The following ACSL1 variants were observed in gnomAD, a reference collection of about 807,000 sequenced individuals.
ACSL1 encodes the protein acyl-CoA synthetase long chain family member 1, also known as long-chain-fatty-acid--CoA ligase 1.
In ACSL1, 41 loss-of-function variants were observed where a neutral mutation model predicts 98.4. That is an observed-to-expected ratio of 0.42 (90% CI 0.32 to 0.54). The LOEUF (loss-of-function observed/expected upper bound fraction) is 0.54, where lower values mean the gene tolerates loss of function less well. Ranked by LOEUF, ACSL1 falls within the 20% of genes least tolerant of loss-of-function variation. The pLI is 0.13. For synonymous variants in ACSL1, 316 were observed against 322.7 expected (o/e 0.98, Z 0.22); for missense variants, 734 against 883.1 (o/e 0.83, Z 2.14).
At chr4:184,779,403 C>T (rs534741576) in intron 5 of ACSL1, among the ~76,000 whole-genome samples, 188 of 152,334 alleles carry the variant, frequency 1.2e-3, no homozygotes, top group Non-Finnish European at 2.3e-3. Flanking sequence ...CCATGTGAAA[C>T]TGCAAGTCCA....
In ACSL1 at chr4:184,783,939, A is replaced by G; in HGVS notation, c.363T>C (p.Leu121=). 1 of 1,613,888 alleles carries G rather than the reference A, an allele frequency of 6.2e-7. No homozygotes were observed. The highest frequency in any genetic ancestry group is 8.5e-7 in the Non-Finnish European group (1 of 1,179,858). The change falls in exon 4 of 21, where the codon CTT becomes CTC. Residue 121 remains leucine, a synonymous_variant. Transcript: ENST00000281455. The part of the protein sequence containing the change: ...SRKPDQPYEW[L]SYKQVAELSE... Reference sequence around the variant, plus strand: ...CATACAAACTCACCTGTTTATATGAAAGCCATTCATAGGGTTGGTCTGGTT... The same window carrying G: ...CATACAAACTCACCTGTTTATATGAGAGCCATTCATAGGGTTGGTCTGGTT...
Position 184,760,380 on chromosome 4 carries a change from A to T in ACSL1, c.1759T>A (p.Phe587Ile), listed in dbSNP as rs914596017. The T allele has an allele frequency of 1.2e-6, 2 of 1,614,038 alleles. No homozygotes were observed. The highest frequency in any genetic ancestry group is 3.3e-5 in the Admixed American group (2 of 60,010). ...YMRSEPVAQVFVHGESLQAFL... is the reference protein window; with the variant it reads ...YMRSEPVAQVIVHGESLQAFL... ...ACCTGCAGGCTTTCTCCGTGGACAAACACCTGAGCAACAGGCTCACTTCGC... is the reference window on the plus strand; with the variant it reads ...ACCTGCAGGCTTTCTCCGTGGACAATCACCTGAGCAACAGGCTCACTTCGC... Residue 587 changes from phenylalanine (F) to isoleucine (I), a missense_variant, in exon 18 of 21, where the codon TTT (phenylalanine) becomes ATT (isoleucine). Physicochemically the swap from Phe to Ile is conservative, Grantham distance 21 (BLOSUM62 0). Transcript: ENST00000281455.
rs1191175882 is a variant in ACSL1, at chr4:184,760,518, G to A, written c.1639-18C>T. The A allele has an allele frequency of 6.2e-6, 10 of 1,613,618 alleles. No individual in the cohort carries two copies. The highest frequency in any genetic ancestry group is 7.6e-6 in the Non-Finnish European group (9 of 1,179,676). ...GTGCCATTCTGTTGATCAGAGGGGAGGGGGTTATGAATGGGCTGATGGCTG... is the reference window on the plus strand; with the variant it reads ...GTGCCATTCTGTTGATCAGAGGGGAAGGGGTTATGAATGGGCTGATGGCTG... On this transcript the variant is annotated intron_variant, in intron 17 of 20. Transcript: ENST00000281455.
chr4:184,762,366 TG>T (rs1302672800), intron 17 of ACSL1, 40 bp downstream of exon 17: 1 of 1,516,196 alleles, frequency 6.6e-7, no homozygotes, highest in Admixed American at 1.7e-5. Flanking sequence ...TTCCCCACAG[TG>T]GAACTGAACT....
chr4:184,809,845 T>C (rs374309637), intron 1 of ACSL1, among the ~76,000 whole-genome samples: 1 of 152,124 alleles, frequency 6.6e-6, no homozygotes, highest in South Asian at 2.1e-4. Context: ...CATTAATATG[T>C]TATTTGAGTT....
intron 1 of ACSL1, among the ~76,000 whole-genome samples, chr4:184,806,754 C>A (rs1055317816): frequency 1.3e-5 from 2 of 152,010 alleles, no homozygotes; most frequent in African/African-American, 4.8e-5. Context: ...AGATACTAAT[C>A]TATAATACTA....
intron 1 of ACSL1, among the ~76,000 whole-genome samples, chr4:184,811,837 T>TA: frequency 6.6e-6 from 1 of 152,140 alleles, no homozygotes; most frequent in Non-Finnish European, 1.5e-5. Flanking sequence ...TTTACCACAA[T>TA]AAAAAAAGTT....
chr4:184,777,795 GAC>G (rs1765544224), intron 5 of ACSL1, among the ~76,000 whole-genome samples: 1 of 151,222 alleles, frequency 6.6e-6, no homozygotes, highest in Non-Finnish European at 1.5e-5. Context: ...GAGAGAGAGA[GAC>G]AGAGACAGAG....
Position 184,766,895 on chromosome 4 carries a change from A to G in ACSL1, c.1129-139T>C. The G allele has an allele frequency of 2.1e-6, 2 of 966,688 alleles. No homozygotes were observed. The highest frequency in any genetic ancestry group is 2.7e-5 in the East Asian group (1 of 37,606). 59.9% of individuals were successfully genotyped at this position (966,688 alleles called of 1,614,324 possible). A position where few individuals can be genotyped will look rare whatever the true frequency, so the allele number is the denominator to read the frequency against. ...GCTCTGACAGCCTGGCCGGTCCTCTAACGGCCCCACATGGTCAGCACAGGA... is the reference window on the plus strand; with the variant it reads ...GCTCTGACAGCCTGGCCGGTCCTCTGACGGCCCCACATGGTCAGCACAGGA... On this transcript the variant is annotated intron_variant, in intron 12 of 20. Coordinates refer to ENST00000281455, the MANE Select transcript of ACSL1 (RefSeq NM_001995.5). The surrounding 1 kb of genome is among the most constrained non-coding windows in gnomAD (Gnocchi z 4.8).
intron 1 of ACSL1, among the ~76,000 whole-genome samples, chr4:184,811,611 A>G (rs1488438526): frequency 6.6e-6 from 1 of 152,108 alleles, no homozygotes; most frequent in Non-Finnish European, 1.5e-5. Context: ...GCAAATTCAC[A>G]GAGACAGAAA....
intron 18 of ACSL1, chr4:184,758,151 C>T: frequency 2.0e-6 from 1 of 503,612 alleles, no homozygotes; most frequent in South Asian, 3.2e-5. Flanking sequence ...TTTTAAAAAA[C>T]CACTGGGAAT....
At chr4:184,815,985 A>G (rs959410979) in intron 1 of ACSL1, among the ~76,000 whole-genome samples, 1 of 151,978 alleles carries the variant, frequency 6.6e-6, no homozygotes, top group Admixed American at 6.6e-5. Context: ...GCCAGGCGTG[A>G]TGGCACACAC....
chr4:184,798,417 T>A (rs187925649), intron 2 of ACSL1: 1 of 152,804 alleles, frequency 6.5e-6, no homozygotes, highest in East Asian at 1.9e-4. Flanking sequence ...CTTTCCGAAC[T>A]AATTTGACAA....
chr4:184,771,087 GC>G (rs1764445296), intron 10 of ACSL1, among the ~76,000 whole-genome samples: 1 of 152,012 alleles, frequency 6.6e-6, no homozygotes, highest in Admixed American at 6.5e-5. Context: ...TTGCACCACT[GC>G]ACTCCAGCCT....
chr4:184,761,005 A>G (rs1485776457), intron 17 of ACSL1, among the ~76,000 whole-genome samples: 1 of 152,208 alleles, frequency 6.6e-6, no homozygotes, highest in Non-Finnish European at 1.5e-5. Flanking sequence ...GGGAAGAGTG[A>G]GTCAACTGTG....
chr4:184,768,498 T>C (rs1763976135), intron 11 of ACSL1, 48 bp from the exon 12 acceptor site: 3 of 1,576,870 alleles, frequency 1.9e-6, no homozygotes, highest in African/African-American at 2.8e-5. Flanking sequence ...ACAGCAGGGG[T>C]TACACAACAT....
chr4:184,762,076 G>A (rs1167612867), intron 17 of ACSL1, among the ~76,000 whole-genome samples: 2 of 151,310 alleles, frequency 1.3e-5, no homozygotes, highest in South Asian at 2.1e-4. Context: ...GCAGTGAGCC[G>A]AGATCACGCC....
At position 184,822,991 on chromosome 4, in the gene ACSL1, T is replaced by G. The variant is rs1773187682; in HGVS notation, c.-33+2925A>C. Among the ~76,000 whole-genome samples the G allele has an allele frequency of 2.0e-5, 3 of 152,230 alleles. No homozygotes were observed. The South Asian group carries it at 6.2e-4, about 31-fold the overall frequency. ...TCAGCTACTCCTTCAGGGCTTGTGC[T>G]CCTTTAAAACTTTTCAGAAGCCCCT... On this transcript the variant is annotated intron_variant, in intron 1 of 20. Transcript: ENST00000281455.
intron 3 of ACSL1, 82 bp downstream of exon 3, chr4:184,788,535 G>T: frequency 9.0e-7 from 1 of 1,117,040 alleles, no homozygotes; most frequent in Non-Finnish European, 1.4e-6. Flanking sequence ...AAAGATAGGA[G>T]CAAATGTGCA....
Sources: gnomAD v4.1 joint callset for allele counts (sites outside exome capture counted in the v4.1 genomes callset) on GRCh38, gnomAD v4.1.1 for gene constraint, Gnocchi (gnomAD v3.1) non-coding constraint, MANE v1.5 for transcripts, NCBI Gene and HGNC (gene_info 2026-07-23, HGNC 2026-07-21) for gene names.